Variants in CLVS1 observed in about 807,000 individuals in gnomAD.
CLVS1 encodes clavesin 1.
Under a neutral mutation model 33.1 loss-of-function variants are expected in CLVS1, and 10 were observed. The ratio of observed to expected loss-of-function variants is 0.30; its 90% confidence interval spans 0.19 to 0.51. The LOEUF is 0.51. Among genes scored for constraint, CLVS1 ranks in the 20% least tolerant of loss-of-function variants. The pLI, the probability that CLVS1 is intolerant of heterozygous loss-of-function variation, is 0.97. For missense variants in CLVS1, 343 were observed against 433.4 expected, an observed-to-expected ratio of 0.79 and a Z score of 1.85; for synonymous variants, 163 against 166.1, an observed-to-expected ratio of 0.98 and a Z score of 0.14.
At chr8:61,462,183 G>A (rs994245177) in intron 5 of CLVS1, among the ~76,000 whole-genome samples, 8 of 152,156 alleles carry the variant, frequency 5.3e-5, no homozygotes, top group African/African-American at 1.7e-4. Flanking sequence ...ATTCATGACG[G>A]TTGGGCTCAA....
At chr8:61,180,988 G>A (rs968592656) in intron 2 of CLVS1, among the ~76,000 whole-genome samples, 1 of 152,126 alleles carries the variant, frequency 6.6e-6, no homozygotes, top group Non-Finnish European at 1.5e-5. Context: ...GTTCTGGCCA[G>A]GGCAATAAGG....
chr8:61,149,571 A>AAAAAC (rs1563421479), intron 2 of CLVS1, among the ~76,000 whole-genome samples: 5 of 149,954 alleles, frequency 3.3e-5, no homozygotes, highest in African/African-American at 9.9e-5. Context: ...AAAAAAAACA[A>AAAAAC]AAAACAAAAC....
the CLVS1 span, among the ~76,000 whole-genome samples, chr8:61,047,563 C>G: frequency 6.6e-6 from 1 of 152,142 alleles, no homozygotes; most frequent in Non-Finnish European, 1.5e-5. Context: ...CAATGATAGA[C>G]TGGATTAAGA....
chr8:61,038,682 C>G, the CLVS1 span, among the ~76,000 whole-genome samples: 1 of 152,106 alleles, frequency 6.6e-6, no homozygotes, highest in African/African-American at 2.4e-5. Flanking sequence ...ACTTCTATCT[C>G]AAGCCCATGT....
At chr8:61,055,956 T>C (rs1203049869), upstream of CLVS1, among the ~76,000 whole-genome samples, 1 of 152,242 alleles carries the variant, frequency 6.6e-6, no homozygotes, top group Non-Finnish European at 1.5e-5. Context: ...CCCAGCACAG[T>C]TCCAGGAGTC....
intron 3 of CLVS1, among the ~76,000 whole-genome samples, chr8:61,386,612 G>A (rs765353954): frequency 6.6e-6 from 1 of 152,002 alleles, no homozygotes; most frequent in African/African-American, 2.4e-5. Context: ...TCAGGAGGCA[G>A]TCTAGTGTTC....
intron 2 of CLVS1, among the ~76,000 whole-genome samples, chr8:61,308,606 A>C (rs564254600): frequency 6.6e-6 from 1 of 152,266 alleles, no homozygotes; most frequent in East Asian, 1.9e-4. Flanking sequence ...TCTTCCGGGC[A>C]CTGTGATAAC....
intron 3 of CLVS1, among the ~76,000 whole-genome samples, chr8:61,398,480 C>T (rs1477059104): frequency 6.6e-6 from 1 of 152,012 alleles, no homozygotes; most frequent in Non-Finnish European, 1.5e-5. Context: ...CCATGCCCAG[C>T]CTAAGTCTTG....
At chr8:61,189,180 A>G (rs941377524) in intron 2 of CLVS1, among the ~76,000 whole-genome samples, 1 of 152,228 alleles carries the variant, frequency 6.6e-6, no homozygotes, top group Non-Finnish European at 1.5e-5. Flanking sequence ...ATCACTTGGC[A>G]GAAACTCTAC....
the CLVS1 span, among the ~76,000 whole-genome samples, chr8:61,003,555 A>G: frequency 1.3e-5 from 2 of 152,208 alleles, no homozygotes; most frequent in Non-Finnish European, 2.9e-5. Context: ...TCAGTTTGTT[A>G]GTCACAGAAT....
intron 1 of CLVS1, among the ~76,000 whole-genome samples, chr8:61,103,626 G>A (rs533347449): frequency 1.3e-5 from 2 of 152,332 alleles, no homozygotes; most frequent in Admixed American, 1.3e-4. Flanking sequence ...AAATGGGCTG[G>A]TTTAGAATTA....
intron 2 of CLVS1, among the ~76,000 whole-genome samples, chr8:61,146,797 G>T (rs1354503522): frequency 6.6e-6 from 1 of 152,166 alleles, no homozygotes; most frequent in African/African-American, 2.4e-5. Context: ...TCTGTAGTTT[G>T]CTCTATCTGT....
chr8:61,293,682 T>G (rs1426241013), intron 1 of CLVS1, among the ~76,000 whole-genome samples: 1 of 152,164 alleles, frequency 6.6e-6, no homozygotes, highest in Non-Finnish European at 1.5e-5. Context: ...ATTTAAAAAT[T>G]TGAAGTAAGT....
chr8:61,203,377 T>C (rs1459746102), intron 2 of CLVS1, among the ~76,000 whole-genome samples: 1 of 152,230 alleles, frequency 6.6e-6, no homozygotes, highest in Non-Finnish European at 1.5e-5. Flanking sequence ...CAAGAATGTG[T>C]TGTCCAAAAT....
At chr8:61,059,497 T>TATATATATATATATATATATATAC (rs1804543350) in intron 1 of CLVS1, among the ~76,000 whole-genome samples, 2 of 100,712 alleles carry the variant, frequency 2.0e-5, no homozygotes, top group Non-Finnish European at 4.3e-5. Flanking sequence ...TATATATATA[T>TATATATATATATATATATATATAC]ATACACATAT....
Position 61,501,302 on chromosome 8 carries a change from G to T in CLVS1, c.*1760G>T, listed in dbSNP as rs1004716877. On this transcript the variant is annotated 3_prime_UTR_variant, in exon 6 of 6. Transcript: ENST00000325897. ...TACAAGTATTTACAATGCTATTGGAGTCAATTATTGACAACACTTTGCAAC... is the reference window on the plus strand; with the variant it reads ...TACAAGTATTTACAATGCTATTGGATTCAATTATTGACAACACTTTGCAAC... 2 of 152,160 alleles carry T rather than the reference G, an allele frequency of 1.3e-5. No homozygotes were observed. Among genetic ancestry groups the T allele is most frequent in the Non-Finnish European group, 2.9e-5 (2 of 68,006 alleles). 9.4% of individuals were successfully genotyped at this position (152,160 alleles called of 1,614,324 possible). A position where few individuals can be genotyped will look rare whatever the true frequency, so the allele number is the denominator to read the frequency against.
At chr8:61,392,066 A>T (rs1380957670) in intron 3 of CLVS1, among the ~76,000 whole-genome samples, 1 of 152,224 alleles carries the variant, frequency 6.6e-6, no homozygotes, top group African/African-American at 2.4e-5. Flanking sequence ...CCCAAGTATA[A>T]TACATACATA....
At chr8:61,154,604 C>G (rs1806613968) in intron 2 of CLVS1, among the ~76,000 whole-genome samples, 1 of 152,338 alleles carries the variant, frequency 6.6e-6, no homozygotes, top group South Asian at 2.1e-4. Flanking sequence ...ACAGTGAAGT[C>G]TGACAATCCT....
intron 2 of CLVS1, among the ~76,000 whole-genome samples, chr8:61,359,392 G>A (rs868403681): frequency 6.6e-6 from 1 of 151,318 alleles, no homozygotes; most frequent in African/African-American, 2.4e-5. Context: ...GTCTTGCTGC[G>A]ACCCCCAGGC....
Sources: allele counts gnomAD v4.1 joint callset (sites outside exome capture counted in the v4.1 genomes callset), GRCh38; gene constraint gnomAD v4.1.1; transcripts MANE v1.5; gene names NCBI Gene and HGNC (gene_info 2026-07-23, HGNC 2026-07-21).